ATP8B4: variants seen among roughly 807,000 people sequenced by gnomAD.
ATP8B4 encodes the protein probable phospholipid-transporting ATPase IM.
In ATP8B4, 133 loss-of-function variants were observed where a neutral mutation model predicts 145.6. The observed-to-expected ratio is 0.91, with a 90% CI of 0.79 to 1.05. ATP8B4 has a LOEUF of 1.05. ATP8B4 is among the 50% of genes least tolerant of loss of function. The probability of loss-of-function intolerance (pLI) is 0.00; values close to 1 mark genes in which losing one functional copy is unlikely to be tolerated. For synonymous variants in ATP8B4, 507 were observed against 492.9 expected, an observed-to-expected ratio of 1.03 and a Z score of -0.38; for missense variants, 1,458 against 1,425.2, an observed-to-expected ratio of 1.02 and a Z score of -0.37.
intron 6 of ATP8B4, among the ~76,000 whole-genome samples, chr15:50,018,638 T>C (rs1418719120): frequency 6.6e-6 from 1 of 152,226 alleles, no homozygotes; most frequent in African/African-American, 2.4e-5. Context: ...GTGAGAAAAC[T>C]GATAGACCAG....
chr15:49,861,805 T>A (rs1436373805), intron 27 of ATP8B4, among the ~76,000 whole-genome samples: 1 of 152,198 alleles, frequency 6.6e-6, no homozygotes, highest in African/African-American at 2.4e-5. Context: ...ATCTCACCCA[T>A]GTTTCTGAAT....
rs377438481 is a variant in ATP8B4 at position 50,174,876 on chromosome 15, A to G, written c.-43+7385T>C. Among the ~76,000 whole-genome samples, 9 of 152,202 alleles carry G rather than the reference A, an allele frequency of 5.9e-5. No individual in the cohort carries two copies. In the East Asian group the frequency reaches 9.6e-4, roughly 16 times the overall value. On this transcript the variant is annotated intron_variant, in intron 1 of 3. Transcript: ENST00000558829. Reference sequence around the variant, plus strand: ...AAAAGAACAAATCTGGAGGCATCACACTACCTGATTTCAAACAATACTATA... The same window carrying G: ...AAAAGAACAAATCTGGAGGCATCACGCTACCTGATTTCAAACAATACTATA...
intron 23 of ATP8B4, among the ~76,000 whole-genome samples, chr15:49,893,960 G>C (rs563645695): frequency 2.7e-4 from 41 of 152,226 alleles, no homozygotes; most frequent in African/African-American, 9.9e-4. Context: ...ATCCCTGCTT[G>C]TTAGTGTCAA....
At chr15:50,117,689 G>A (rs889142518) in intron 1 of ATP8B4, among the ~76,000 whole-genome samples, 3 of 152,176 alleles carry the variant, frequency 2.0e-5, no homozygotes, top group Non-Finnish European at 2.9e-5. Context: ...GTACCTTGAA[G>A]AGATATCTGT....
chr15:49,990,149 G>A (rs1599664030), intron 9 of ATP8B4, among the ~76,000 whole-genome samples: 1 of 152,044 alleles, frequency 6.6e-6, no homozygotes, highest in African/African-American at 2.4e-5. Context: ...TGAGAGTACT[G>A]AAAAAAGGTG....
intron 20 of ATP8B4, among the ~76,000 whole-genome samples, chr15:49,909,336 T>C (rs2038975116): frequency 6.6e-6 from 1 of 152,190 alleles, no homozygotes. Context: ...ACCTGGGGAA[T>C]GGCCTGACCA....
intron 14 of ATP8B4, 75 bp from the exon 15 acceptor site, chr15:49,934,257 T>C: frequency 1.4e-6 from 2 of 1,477,732 alleles, no homozygotes; most frequent in Non-Finnish European, 1.8e-6. Flanking sequence ...CAAAAATAGT[T>C]CCCCCAAGTA....
At chr15:50,015,515 T>C (rs1450678244) in intron 6 of ATP8B4, among the ~76,000 whole-genome samples, 1 of 152,132 alleles carries the variant, frequency 6.6e-6, no homozygotes, top group Non-Finnish European at 1.5e-5. Flanking sequence ...CCCAGAGTAA[T>C]TATGTATTAC....
At chr15:49,973,489 C>T (rs2045366126) in intron 12 of ATP8B4, among the ~76,000 whole-genome samples, 2 of 152,012 alleles carry the variant, frequency 1.3e-5, no homozygotes, top group Non-Finnish European at 2.9e-5. Context: ...CTTCACTTTG[C>T]CAAAAGAGAT....
chr15:49,935,160 A>G (rs2041629837), intron 14 of ATP8B4, among the ~76,000 whole-genome samples: 1 of 152,084 alleles, frequency 6.6e-6, no homozygotes, highest in South Asian at 2.1e-4. Context: ...GTTCCTTTAA[A>G]TCAAATTTAT....
At chr15:50,049,418 G>A (rs571683275) in intron 3 of ATP8B4, among the ~76,000 whole-genome samples, 1 of 152,270 alleles carries the variant, frequency 6.6e-6, no homozygotes, top group East Asian at 1.9e-4. Context: ...TTATGATCCT[G>A]TGTTAATTCA....
chr15:50,166,298 T>C (rs1188911411), intron 1 of ATP8B4, among the ~76,000 whole-genome samples: 1 of 152,130 alleles, frequency 6.6e-6, no homozygotes, highest in Non-Finnish European at 1.5e-5. Flanking sequence ...AGGAGGAAAA[T>C]GTCATCAGAC....
At chr15:49,913,577 A>T (rs2039452375) in intron 20 of ATP8B4, among the ~76,000 whole-genome samples, 1 of 152,208 alleles carries the variant, frequency 6.6e-6, no homozygotes, top group Non-Finnish European at 1.5e-5. Context: ...TAGAAGTCAA[A>T]TTGTTCCTGT....
chr15:49,999,717 G>A (rs2047732094), intron 8 of ATP8B4, among the ~76,000 whole-genome samples: 1 of 151,934 alleles, frequency 6.6e-6, no homozygotes, highest in Admixed American at 6.6e-5. Context: ...TCTTACTACA[G>A]TTTCACATCT....
At chr15:49,965,134 C>T (rs1663281409) in intron 13 of ATP8B4, among the ~76,000 whole-genome samples, 1 of 152,128 alleles carries the variant, frequency 6.6e-6, no homozygotes, top group African/African-American at 2.4e-5. Context: ...GGTTGGAAAT[C>T]ATCTTGTCTA....
intron 1 of ATP8B4, among the ~76,000 whole-genome samples, chr15:50,178,488 GTTTTTA>G (rs2044796858): frequency 6.6e-6 from 1 of 152,106 alleles, no homozygotes; most frequent in South Asian, 2.1e-4. Context: ...TATTTTTAAT[GTTTTTA>G]TTTTTATCTG....
At chr15:50,163,123 G>C (rs568557205) in intron 1 of ATP8B4, among the ~76,000 whole-genome samples, 2 of 152,296 alleles carry the variant, frequency 1.3e-5, no homozygotes, top group East Asian at 1.9e-4. Context: ...TCGGTCACTA[G>C]TGCCTTATTA....
chr15:50,054,828 A>T (rs2052484306), intron 3 of ATP8B4, among the ~76,000 whole-genome samples: 2 of 147,108 alleles, frequency 1.4e-5, no homozygotes, highest in African/African-American at 2.5e-5. Context: ...AAAAAACACC[A>T]ACCTCAGCAC....
At chr15:49,924,842 C>T (rs1567002484) in intron 16 of ATP8B4, among the ~76,000 whole-genome samples, 1 of 152,168 alleles carries the variant, frequency 6.6e-6, no homozygotes, top group Admixed American at 6.5e-5. Context: ...AAAACATATG[C>T]AATTTATCTA....
Sources: allele counts gnomAD v4.1 joint callset (sites outside exome capture counted in the v4.1 genomes callset), GRCh38; gene constraint gnomAD v4.1.1; transcripts MANE v1.5; gene names NCBI Gene and HGNC (gene_info 2026-07-23, HGNC 2026-07-21).